CACNA1H: variants seen among roughly 807,000 people sequenced by gnomAD.
CACNA1H encodes voltage-dependent T-type calcium channel subunit alpha-1H.
Under a neutral mutation model 192.5 loss-of-function variants are expected in CACNA1H, and 149 were observed. The ratio of observed to expected loss-of-function variants is 0.77; its 90% CI spans 0.68 to 0.89. The LOEUF (loss-of-function observed/expected upper bound fraction) is 0.89. Among genes scored for constraint, CACNA1H ranks in the 40% least tolerant of loss-of-function variants. CACNA1H has a pLI of 0.00. For missense variants in CACNA1H, 4,257 were observed against 3,423.5 expected, an observed-to-expected ratio of 1.24 and a Z score of -6.08; for synonymous variants, 2,202 against 1,475.2, an observed-to-expected ratio of 1.49 and a Z score of -11.29.
intron 2 of CACNA1H, among the ~76,000 whole-genome samples, chr16:1,160,581 G>A (rs535119565): frequency 1.3e-5 from 2 of 152,328 alleles, no homozygotes; most frequent in South Asian, 4.1e-4. Context: ...TTGCCGTGGT[G>A]CAGGGGGTGT....
chr16:1,174,450 CG>C (rs1296208719), intron 2 of CACNA1H, among the ~76,000 whole-genome samples: 1 of 151,380 alleles, frequency 6.6e-6, no homozygotes, highest in African/African-American at 2.4e-5. Context: ...TCAACAGCTG[CG>C]GTCAGCACAG....
intron 23 of CACNA1H, 28 bp downstream of exon 23, chr16:1,211,634 G>A: frequency 8.1e-6 from 13 of 1,609,430 alleles, no homozygotes; most frequent in Non-Finnish European, 1.1e-5. Context: ...GCGGGAGCTG[G>A]GGGTCTCCAG....
At chr16:1,186,367 A>G (rs1210306490) in intron 2 of CACNA1H, among the ~76,000 whole-genome samples, 1 of 152,044 alleles carries the variant, frequency 6.6e-6, no homozygotes, top group Admixed American at 6.5e-5. Flanking sequence ...GCACAGGCCC[A>G]GATTCCTGGA....
Position 1,211,715 on chromosome 16 carries a change from G to A in CACNA1H, c.4477-1G>A, listed in dbSNP as rs751096640. The A allele has an allele frequency of 1.2e-6, 2 of 1,612,568 alleles. No individual in the cohort carries two copies. The highest frequency in any genetic ancestry group is 1.7e-6 in the Non-Finnish European group (2 of 1,179,720). On this transcript the variant is annotated splice_acceptor_variant, in intron 23 of 34. Coordinates refer to ENST00000348261, the MANE Select transcript of CACNA1H (RefSeq NM_021098.3). LOFTEE classifies it high-confidence loss of function. Reference sequence around the variant, plus strand: ...CCAGTGACCCTGGCTCTGGCCCTCAGGCCCTGATGTCGCTGTTCGTGCTGT... The same window carrying A: ...CCAGTGACCCTGGCTCTGGCCCTCAAGCCCTGATGTCGCTGTTCGTGCTGT...
chr16:1,178,111 C>A (rs1345254375), intron 2 of CACNA1H, among the ~76,000 whole-genome samples: 1 of 112,700 alleles, frequency 8.9e-6, no homozygotes, highest in African/African-American at 3.5e-5. Context: ...CTCCCCCGCC[C>A]CCTCTCCCTG....
chr16:1,217,682 C>T (rs1033384322), intron 31 of CACNA1H, among the ~76,000 whole-genome samples: 6 of 152,240 alleles, frequency 3.9e-5, no homozygotes, highest in Non-Finnish European at 5.9e-5. Flanking sequence ...CCATGGCAGC[C>T]GCCAGGCCTG....
rs1449615594 is a variant in CACNA1H, at chr16:1,209,599, A to G, written c.3744+187A>G. 8 of 708,530 alleles carry G rather than the reference A, an allele frequency of 1.1e-5. No individual in the cohort carries two copies. In the Admixed American group the frequency reaches 1.4e-4, roughly 13 times the overall value. The allele number at this position is 708,530 out of a possible 1,614,324, so 43.9% of individuals were successfully genotyped here. A position where few individuals can be genotyped will look rare whatever the true frequency, so the allele number is the denominator to read the frequency against. On this transcript the variant is annotated intron_variant, in intron 17 of 34. Transcript: ENST00000348261. ...GGGATTCAGCCACAGATGATCCCAG[A>G]GTCCCCCCTCTGCCGTCTAGGGGCT... is the stretch of plus-strand genomic sequence containing the variant.
Position 1,202,414 on chromosome 16 carries a change from A to T in CACNA1H, c.1964A>T (p.Asp655Val). ...GGCCCGTTGAGCTTGAACAGCCCTG[A>T]TCCCTACGAGAAGATCCCGCATGTG... ...GHGPLSLNSP[D>V]PYEKIPHVVG... The change falls in exon 9 of 35, where the codon GAT becomes GTT. Residue 655 changes from aspartate to valine, a missense_variant. By Grantham distance (152) the Asp-to-Val change is radical. Coordinates refer to ENST00000348261, the MANE Select transcript of CACNA1H (RefSeq NM_021098.3). 2.0e-6 allele frequency: 3 copies of T among 1,526,208 alleles called. No individual in the cohort carries two copies. The South Asian group carries it at 3.7e-5, about 19-fold the overall frequency. 94.5% of individuals were successfully genotyped at this position (1,526,208 alleles called of 1,614,324 possible). A position where few individuals can be genotyped will look rare whatever the true frequency, so the allele number is the denominator to read the frequency against.
chr16:1,210,754 G>C (rs747737114), intron 20 of CACNA1H, 33 bp from the exon 21 acceptor site: 1 of 1,596,102 alleles, frequency 6.3e-7, no homozygotes, highest in East Asian at 2.2e-5. Context: ...CCCCACGCCT[G>C]AGCCTGAGCT....
intron 2 of CACNA1H, among the ~76,000 whole-genome samples, chr16:1,165,969 A>G (rs906815778): frequency 6.6e-6 from 1 of 151,226 alleles, no homozygotes; most frequent in African/African-American, 2.5e-5. Flanking sequence ...GCATCTTTTA[A>G]TTGTGGTGGC....
At chr16:1,183,381 A>T (rs1965666701) in intron 2 of CACNA1H, among the ~76,000 whole-genome samples, 1 of 152,146 alleles carries the variant, frequency 6.6e-6, no homozygotes, top group African/African-American at 2.4e-5. Flanking sequence ...GGCCGCCCTC[A>T]GCGTGGAGCC....
rs1358612985 is a variant in CACNA1H, at chr16:1,195,321, C to T, written c.412-111C>T. On this transcript the variant is annotated intron_variant, in intron 3 of 34. Coordinates refer to ENST00000348261, the MANE Select transcript of CACNA1H (RefSeq NM_021098.3). ...CCTGGGGCTCAGGGCGGGGCAGGGG[C>T]GGGGCGAGGGGTGTGGCAAGACTGG... 12 of 768,448 alleles carry T rather than the reference C, an allele frequency of 1.6e-5. No homozygotes were observed. In the African/African-American group the frequency reaches 2.8e-4, roughly 18 times the overall value. 47.6% of individuals were successfully genotyped at this position (768,448 alleles called of 1,614,324 possible). A position where few individuals can be genotyped will look rare whatever the true frequency, so the allele number is the denominator to read the frequency against.
At chr16:1,171,987 C>T (rs1312802767) in intron 2 of CACNA1H, among the ~76,000 whole-genome samples, 2 of 152,204 alleles carry the variant, frequency 1.3e-5, no homozygotes, top group Middle Eastern at 3.2e-3. Flanking sequence ...GCATGGGGTT[C>T]GCGTGGGCCC....
At chr16:1,154,772 C>T (rs146610437) in intron 2 of CACNA1H, among the ~76,000 whole-genome samples, 7 of 152,342 alleles carry the variant, frequency 4.6e-5, no homozygotes, top group African/African-American at 1.2e-4. Flanking sequence ...GCACAGACTG[C>T]AGAGAAGGTT....
At position 1,195,408 on chromosome 16, in the gene CACNA1H, C is replaced by T. The variant is rs747861211; in HGVS notation, c.412-24C>T. ...GGGCTGAGCTGAGCTGTTCCACGGG[C>T]CCTCCTGATGCCTCCTCCCGCAGGC... On this transcript the variant is annotated intron_variant, in intron 3 of 34. Transcript: ENST00000348261. The T allele has an allele frequency of 2.9e-5, 45 of 1,550,416 alleles. No homozygotes were observed. The African/African-American group carries it at 5.8e-4, about 20-fold the overall frequency.
chr16:1,169,159 C>T (rs1227259648), intron 2 of CACNA1H, among the ~76,000 whole-genome samples: 1 of 12,692 alleles, frequency 7.9e-5, no homozygotes, highest in Non-Finnish European at 1.5e-4. Context: ...AGTCTTCCTG[C>T]GGCGGGGTGG....
Position 1,200,791 on chromosome 16 carries a change from TTCA to T in CACNA1H, c.1198_1200del (p.Ile400del). 1 of 1,552,322 alleles carries T rather than the reference TTCA, an allele frequency of 6.4e-7. No individual in the cohort carries two copies. Among genetic ancestry groups the T allele is most frequent in the Non-Finnish European group, 8.7e-7 (1 of 1,147,540 alleles). On this transcript the variant is annotated inframe_deletion, in exon 8 of 35. Coordinates refer to ENST00000348261, the MANE Select transcript of CACNA1H (RefSeq NM_021098.3). The stretch of plus-strand genomic sequence containing the variant: ...CCACTCATTCTACAACTTCATCTAT[TTCA>T]TCCTGCTCATCATCGTGAGTGTGGG...
intron 2 of CACNA1H, among the ~76,000 whole-genome samples, chr16:1,191,341 C>T (rs1596370534): frequency 1.8e-5 from 2 of 113,320 alleles, no homozygotes; most frequent in African/African-American, 4.1e-5. Flanking sequence ...CCGGCACACT[C>T]GGGGTCTCTG....
At chr16:1,195,874 C>A (rs1466808080) in intron 4 of CACNA1H, 52 bp from the exon 5 acceptor site, 13 of 1,436,580 alleles carry the variant, frequency 9.0e-6, no homozygotes, top group African/African-American at 1.4e-5. Context: ...CAGCCCCACC[C>A]TGGACCACCT....
Sources: allele counts gnomAD v4.1 joint callset (sites outside exome capture counted in the v4.1 genomes callset), GRCh38; gene constraint gnomAD v4.1.1; transcripts MANE v1.5; gene names NCBI Gene and HGNC (gene_info 2026-07-23, HGNC 2026-07-21).